The following CDC27 variants were observed in gnomAD, a reference collection of about 807,000 sequenced individuals.
The protein encoded by CDC27 is cell division cycle 27, also known as cell division cycle protein 27 homolog.
A neutral mutation model predicts 109.7 loss-of-function variants in CDC27; 27 were observed. The ratio of observed to expected loss-of-function variants is 0.25; its 90% CI spans 0.18 to 0.34. CDC27 has a LOEUF of 0.34. CDC27 is among the 10% of genes least tolerant of loss of function. CDC27 has a pLI of 1.00. For synonymous variants in CDC27, 266 were observed against 333.9 expected (o/e 0.80, Z 2.22); for missense variants, 579 against 960.2 (o/e 0.60, Z 5.25).
At position 47,122,574 on chromosome 17, in the gene CDC27, G is replaced by A. The variant is rs2062011347; in HGVS notation, c.2262C>T (p.His754=). Reference sequence around the variant, plus strand: ...CCCAAGAGAAATTCATCAGGGCGAGGTGCGTTTGACCTAACTTCTTGTAAA... The same window carrying A: ...CCCAAGAGAAATTCATCAGGGCGAGATGCGTTTGACCTAACTTCTTGTAAA... The part of the protein sequence containing the change: ...GKVYKKLGQT[H]LALMNFSWAM... The change falls in exon 18 of 19, where the codon CAC becomes CAT. Residue 754 remains histidine, a synonymous_variant. Transcript: ENST00000066544. 5.6e-6 allele frequency: 9 copies of A among 1,603,564 alleles called. No individual in the cohort carries two copies. Among genetic ancestry groups the A allele is most frequent in the Non-Finnish European group, 7.7e-6 (9 of 1,174,804 alleles).
intron 2 of CDC27, among the ~76,000 whole-genome samples, chr17:47,180,775 TAATTCTAAGGGGC>T (rs1295108328): frequency 1.3e-5 from 2 of 152,116 alleles, no homozygotes; most frequent in East Asian, 3.9e-4. Flanking sequence ...ATTGAATTTT[TAATTCTAAGGGGC>T]AATGATTATT....
chr17:47,181,254 CAAAAAAAAAAAAAAAAAAAA>C (rs34104273), intron 2 of CDC27: 8,610 of 32,188 alleles, frequency 0.27, 582 homozygotes, highest in Middle Eastern at 0.49. Context: ...GACCCTGTTT[CAAAAAAAAAAAAAAAAAAAA>C]AAAAAAAAAA....
chr17:47,172,994 T>G (rs2063859136), intron 2 of CDC27, among the ~76,000 whole-genome samples: 1 of 152,232 alleles, frequency 6.6e-6, no homozygotes, highest in South Asian at 2.1e-4. Context: ...TGAAAATTTT[T>G]GTGTCCCATC....
Position 47,189,174 on chromosome 17 carries a change from C to T in CDC27, c.-2G>A. ...GACGGGTTCCTGCAGCACCGTCATC[C>T]TCGAGGCTCAGGCCCACTTTCTGCA... On this transcript the variant is annotated 5_prime_UTR_variant, in exon 1 of 19. Transcript: ENST00000066544. The T allele has an allele frequency of 6.2e-7, 1 of 1,612,642 alleles. No individual in the cohort carries two copies. Among genetic ancestry groups the T allele is most frequent in the Non-Finnish European group, 8.5e-7 (1 of 1,178,672 alleles).
chr17:47,178,649 G>C (rs2064109228), intron 2 of CDC27, among the ~76,000 whole-genome samples: 1 of 151,408 alleles, frequency 6.6e-6, no homozygotes. Context: ...AACTACAGCA[G>C]ACTCTTTACA....
chr17:47,185,681 C>A (rs1473118239), intron 1 of CDC27, among the ~76,000 whole-genome samples: 1 of 152,052 alleles, frequency 6.6e-6, no homozygotes, highest in Admixed American at 6.5e-5. Context: ...GGATTACAAG[C>A]GTGAGCCACT....
chr17:47,186,493 T>C (rs1015793447), intron 1 of CDC27, among the ~76,000 whole-genome samples: 3 of 152,336 alleles, frequency 2.0e-5, no homozygotes, highest in Non-Finnish European at 4.4e-5. Flanking sequence ...ATAAAATCTC[T>C]TTGCTTCTTT....
intron 12 of CDC27, among the ~76,000 whole-genome samples, chr17:47,141,100 T>C (rs1256234317): frequency 6.6e-6 from 1 of 152,220 alleles, no homozygotes; most frequent in Non-Finnish European, 1.5e-5. Context: ...CTAGCTGTAA[T>C]ACAGAGTCTA....
At chr17:47,178,568 A>T (rs977526944) in intron 2 of CDC27, among the ~76,000 whole-genome samples, 1 of 133,990 alleles carries the variant, frequency 7.5e-6, no homozygotes, top group Middle Eastern at 3.9e-3. Flanking sequence ...AAAAAAAAAA[A>T]CCCTGAAAAG....
rs1224531163 is a variant in CDC27, at chr17:47,118,903, A to G, written c.*2032T>C. ...TTGCCATGGCATGTCTTACAAAACGATCCTTTTATCCTTGGTCTCAAAAAA... is the reference window on the plus strand; with the variant it reads ...TTGCCATGGCATGTCTTACAAAACGGTCCTTTTATCCTTGGTCTCAAAAAA... On this transcript the variant is annotated 3_prime_UTR_variant, in exon 19 of 19. Coordinates refer to ENST00000066544, the MANE Select transcript of CDC27 (RefSeq NM_001256.6). The G allele has an allele frequency of 6.6e-6, 1 of 152,156 alleles. No individual in the cohort carries two copies. Among genetic ancestry groups the G allele is most frequent in the African/African-American group, 2.4e-5 (1 of 41,440 alleles). The allele number at this position is 152,156 out of a possible 1,614,324, so 9.4% of individuals were successfully genotyped here.
intron 15 of CDC27, among the ~76,000 whole-genome samples, chr17:47,131,566 G>C (rs998305302): frequency 6.6e-6 from 1 of 152,062 alleles, no homozygotes; most frequent in African/African-American, 2.4e-5. Flanking sequence ...GAGAGGATGA[G>C]AACAAGAACT....
chr17:47,163,553 A>G (rs1460548372), intron 4 of CDC27, among the ~76,000 whole-genome samples: 1 of 152,170 alleles, frequency 6.6e-6, no homozygotes, highest in Admixed American at 6.5e-5. Flanking sequence ...CCAAAAAAAT[A>G]TAAAAGAACC....
At chr17:47,184,749 G>A (rs1428974490) in intron 1 of CDC27, among the ~76,000 whole-genome samples, 1 of 152,164 alleles carries the variant, frequency 6.6e-6, no homozygotes, top group African/African-American at 2.4e-5. Context: ...GACTAACAGT[G>A]TCTCTTGTGC....
chr17:47,179,726 T>TA, intron 2 of CDC27, among the ~76,000 whole-genome samples: 1 of 152,308 alleles, frequency 6.6e-6, no homozygotes, highest in South Asian at 2.1e-4. Flanking sequence ...GGTGAGGTTC[T>TA]ATATTGAAAG....
chr17:47,137,377 C>T lies in CDC27; in HGVS notation c.1705-17G>A, dbSNP rs766866034. 36 of 1,491,006 alleles carry T rather than the reference C, an allele frequency of 2.4e-5. No homozygotes were observed. The highest frequency in any genetic ancestry group is 2.8e-5 in the Non-Finnish European group (31 of 1,106,260). 92.4% of individuals were successfully genotyped at this position (1,491,006 alleles called of 1,614,324 possible). A position where few individuals can be genotyped will look rare whatever the true frequency, so the allele number is the denominator to read the frequency against. ...ACACCAGGCCTTAAAAAAATGGGAA[C>T]AAAAACCAAACAGAATTAAAATTTT... On this transcript the variant is annotated splice_polypyrimidine_tract_variant and intron_variant, in intron 13 of 18. Coordinates refer to ENST00000066544, the MANE Select transcript of CDC27 (RefSeq NM_001256.6).
chr17:47,160,375 A>T (rs563297170), intron 4 of CDC27, among the ~76,000 whole-genome samples: 30 of 152,046 alleles, frequency 2.0e-4, no homozygotes, highest in African/African-American at 6.8e-4. Flanking sequence ...TTACAGGTGC[A>T]CACCACCATG....
chr17:47,150,085 T>G (rs183934049), intron 9 of CDC27, among the ~76,000 whole-genome samples: 1 of 152,324 alleles, frequency 6.6e-6, no homozygotes, highest in African/African-American at 2.4e-5. Flanking sequence ...CAGCCATCCC[T>G]CCCATAAAGA....
intron 2 of CDC27, among the ~76,000 whole-genome samples, chr17:47,176,763 TGA>T (rs1240533017): frequency 6.6e-6 from 1 of 152,170 alleles, no homozygotes; most frequent in African/African-American, 2.4e-5. Flanking sequence ...TTGAATATAT[TGA>T]GTTTGATGTG....
chr17:47,148,583 A>G, intron 9 of CDC27, among the ~76,000 whole-genome samples: 1 of 152,218 alleles, frequency 6.6e-6, no homozygotes, highest in Admixed American at 6.5e-5. Context: ...CAATAAATCC[A>G]AAGGCCGAGA....
Sources: allele counts gnomAD v4.1 joint callset (sites outside exome capture counted in the v4.1 genomes callset), GRCh38; gene constraint gnomAD v4.1.1; transcripts MANE v1.5; gene names NCBI Gene and HGNC (gene_info 2026-07-23, HGNC 2026-07-21).